The following PTPRT variants were observed in gnomAD, a reference collection of about 807,000 sequenced individuals.
The protein encoded by PTPRT is protein tyrosine phosphatase receptor type T, also known as receptor-type tyrosine-protein phosphatase T.
In PTPRT, 56 loss-of-function variants were observed where a neutral mutation model predicts 176.8. The ratio of observed to expected loss-of-function variants is 0.32; its 90% CI spans 0.26 to 0.40. The LOEUF (loss-of-function observed/expected upper bound fraction) is 0.40. Ranked by LOEUF, PTPRT falls within the 10% of genes least tolerant of loss-of-function variation. PTPRT has a pLI of 1.00. For synonymous variants in PTPRT, 783 were observed against 739.0 expected (o/e 1.06, Z -0.96); for missense variants, 1,540 against 1,908.2 (o/e 0.81, Z 3.60).
chr20:42,052,133 C>G, the PTPRT span, among the ~76,000 whole-genome samples: 6 of 152,330 alleles, frequency 3.9e-5, no homozygotes, highest in South Asian at 1.2e-3. Context: ...CAAGTGGAAG[C>G]CAGACTTGGC....
At chr20:42,748,272 T>C (rs1192985552) in intron 6 of PTPRT, among the ~76,000 whole-genome samples, 1 of 152,042 alleles carries the variant, frequency 6.6e-6, no homozygotes, top group Non-Finnish European at 1.5e-5. Flanking sequence ...TAGATAAACT[T>C]AGGAGGTAGA....
chr20:42,737,742 C>T (rs986787472), intron 6 of PTPRT, among the ~76,000 whole-genome samples: 11 of 152,110 alleles, frequency 7.2e-5, no homozygotes, highest in Non-Finnish European at 1.2e-4. Context: ...AGAGAATATA[C>T]TGTTGTCTAA....
chr20:42,293,741 T>A (rs1207234824), intron 12 of PTPRT, among the ~76,000 whole-genome samples: 1 of 152,156 alleles, frequency 6.6e-6, no homozygotes. Flanking sequence ...TTATTTTCAC[T>A]CCAAGCCTTA....
intron 9 of PTPRT, among the ~76,000 whole-genome samples, chr20:42,372,570 C>T (rs1307737269): frequency 1.3e-5 from 2 of 152,086 alleles, no homozygotes; most frequent in Admixed American, 6.5e-5. Flanking sequence ...CAGGCGTGAG[C>T]CACTATGCCA....
intron 18 of PTPRT, among the ~76,000 whole-genome samples, chr20:42,130,577 G>C (rs1239712261): frequency 6.6e-6 from 1 of 152,178 alleles, no homozygotes; most frequent in Non-Finnish European, 1.5e-5. Context: ...AGTGGGAGAA[G>C]GTAAGGAATG....
chr20:42,513,239 T>TGTGTG (rs2071993103), intron 7 of PTPRT, among the ~76,000 whole-genome samples: 4 of 150,424 alleles, frequency 2.7e-5, no homozygotes, highest in Middle Eastern at 3.4e-3. Flanking sequence ...TGTGTGTGTG[T>TGTGTG]TTTCCAGGTG....
At chr20:43,145,153 T>C (rs2014132855) in intron 1 of PTPRT, among the ~76,000 whole-genome samples, 1 of 152,244 alleles carries the variant, frequency 6.6e-6, no homozygotes, top group Admixed American at 6.5e-5. Flanking sequence ...CCTTCCAAAA[T>C]GTCTGATCAA....
intron 1 of PTPRT, among the ~76,000 whole-genome samples, chr20:43,066,614 C>T (rs1004751953): frequency 9.9e-5 from 15 of 152,198 alleles, no homozygotes; most frequent in Non-Finnish European, 2.1e-4. Context: ...CCCATCCACC[C>T]ATTCTCCCTT....
intron 15 of PTPRT, among the ~76,000 whole-genome samples, chr20:42,216,486 G>A (rs1019255444): frequency 2.0e-5 from 3 of 152,180 alleles, no homozygotes; most frequent in African/African-American, 4.8e-5. Flanking sequence ...ATCTCTTCGT[G>A]ATAGGGTAGG....
intron 13 of PTPRT, among the ~76,000 whole-genome samples, chr20:42,282,156 A>T (rs542317953): frequency 3.3e-4 from 50 of 152,322 alleles, no homozygotes; most frequent in Non-Finnish European, 6.3e-4. Context: ...ACATAAACAT[A>T]GACCCAAATA....
At chr20:42,530,981 G>C (rs1317012441) in intron 7 of PTPRT, among the ~76,000 whole-genome samples, 1 of 152,202 alleles carries the variant, frequency 6.6e-6, no homozygotes, top group Non-Finnish European at 1.5e-5. Context: ...ATGCTTAACA[G>C]AGAAGCAAAC....
At chr20:42,463,805 T>C (rs1422364085) in intron 8 of PTPRT, among the ~76,000 whole-genome samples, 1 of 152,218 alleles carries the variant, frequency 6.6e-6, no homozygotes, top group Non-Finnish European at 1.5e-5. Flanking sequence ...TATTTCTTTA[T>C]TCATTCATTA....
At chr20:43,084,423 A>C (rs1044959962) in intron 1 of PTPRT, among the ~76,000 whole-genome samples, 1 of 152,170 alleles carries the variant, frequency 6.6e-6, no homozygotes, top group African/African-American at 2.4e-5. Context: ...AACCTTCTTC[A>C]TATGATGGTA....
intron 17 of PTPRT, among the ~76,000 whole-genome samples, chr20:42,146,402 T>C (rs1389948789): frequency 1.3e-5 from 2 of 152,192 alleles, no homozygotes; most frequent in Non-Finnish European, 2.9e-5. Flanking sequence ...AAAAAATAAT[T>C]GCGTTGAGTA....
intron 11 of PTPRT, among the ~76,000 whole-genome samples, chr20:42,340,796 A>C (rs570686678): frequency 6.6e-6 from 1 of 151,844 alleles, no homozygotes; most frequent in African/African-American, 2.4e-5. Context: ...CAGCGATGCA[A>C]ACTCTCATGG....
intron 1 of PTPRT, among the ~76,000 whole-genome samples, chr20:42,935,517 T>C (rs1980132374): frequency 6.6e-6 from 1 of 151,866 alleles, no homozygotes; most frequent in Non-Finnish European, 1.5e-5. Flanking sequence ...AAGGAACGAA[T>C]ATTCAAAGAC....
chr20:42,269,659 A>C (rs2056897014), intron 13 of PTPRT, among the ~76,000 whole-genome samples: 1 of 152,212 alleles, frequency 6.6e-6, no homozygotes, highest in Non-Finnish European at 1.5e-5. Flanking sequence ...CTTCAAACAA[A>C]TACAGACTCT....
intron 7 of PTPRT, among the ~76,000 whole-genome samples, chr20:42,524,755 TC>T (rs1195918122): frequency 6.6e-6 from 1 of 152,178 alleles, no homozygotes; most frequent in East Asian, 1.9e-4. Flanking sequence ...TGTGAGACTC[TC>T]ATCCCACTAA....
At chr20:42,043,572 G>A in the PTPRT span, among the ~76,000 whole-genome samples, 3 of 152,300 alleles carry the variant, frequency 2.0e-5, no homozygotes, top group Middle Eastern at 3.4e-3. Flanking sequence ...ACAGCTACAA[G>A]GTAGTGGAGC....
Sources: allele counts gnomAD v4.1 joint callset (sites outside exome capture counted in the v4.1 genomes callset), GRCh38; gene constraint gnomAD v4.1.1; transcripts MANE v1.5; gene names NCBI Gene and HGNC (gene_info 2026-07-23, HGNC 2026-07-21).